The following RAB38 variants were observed in gnomAD, a reference collection of about 807,000 sequenced individuals.
RAB38 encodes the protein ras-related protein Rab-38.
In RAB38, 15 loss-of-function variants were observed where a neutral mutation model predicts 18.4. The observed-to-expected ratio is 0.82, with a 90% CI of 0.55 to 1.26. RAB38 has a LOEUF of 1.26. Among genes scored for constraint, RAB38 ranks in the 50% most tolerant of loss-of-function variants. The pLI is 0.00. For missense variants in RAB38, 294 were observed against 267.4 expected (o/e 1.10, Z -0.69); for synonymous variants, 101 against 104.4 (o/e 0.97, Z 0.20).
the RAB38 span, among the ~76,000 whole-genome samples, chr11:87,978,145 T>C: frequency 3.2e-4 from 21 of 65,406 alleles, 2 homozygotes; most frequent in African/African-American, 1.4e-3. Flanking sequence ...ATATACATTA[T>C]ATATAAATAT....
the RAB38 span, among the ~76,000 whole-genome samples, chr11:88,056,229 A>G: frequency 2.6e-5 from 4 of 152,264 alleles, no homozygotes; most frequent in South Asian, 8.3e-4. Flanking sequence ...GCCAGGCTGG[A>G]TATTACAGAT....
At chr11:87,895,236 CA>C in the RAB38 span, among the ~76,000 whole-genome samples, 8 of 300 alleles carry the variant, frequency 0.027, no homozygotes, top group African/African-American at 0.052. Context: ...TTGCCCATAT[CA>C]TTATGTGAGT....
At chr11:87,939,933 A>G in the RAB38 span, among the ~76,000 whole-genome samples, 3 of 152,038 alleles carry the variant, frequency 2.0e-5, no homozygotes, top group African/African-American at 4.8e-5. Context: ...TCAATAATCT[A>G]TAGTTTCACC....
At chr11:88,125,976 C>A (rs1042914913) in intron 2 of RAB38, among the ~76,000 whole-genome samples, 3 of 152,292 alleles carry the variant, frequency 2.0e-5, no homozygotes, top group Admixed American at 2.0e-4. Context: ...ACAGGGAATC[C>A]TTTCCCCATT....
the RAB38 span, among the ~76,000 whole-genome samples, chr11:87,925,080 T>C: frequency 2.0e-5 from 3 of 152,038 alleles, no homozygotes; most frequent in Admixed American, 6.6e-5. Context: ...CTGTGGCTAG[T>C]AGAAGCTCTT....
chr11:88,104,545 G>C, the RAB38 span, among the ~76,000 whole-genome samples: 3 of 152,062 alleles, frequency 2.0e-5, no homozygotes, highest in Non-Finnish European at 4.4e-5. Flanking sequence ...AGTTGCTAAA[G>C]ATCTCTGAGC....
chr11:87,959,135 C>T, the RAB38 span, among the ~76,000 whole-genome samples: 1 of 152,118 alleles, frequency 6.6e-6, no homozygotes, highest in South Asian at 2.1e-4. Flanking sequence ...GGGCCCATAG[C>T]TGCACAGTAA....
At chr11:88,036,426 ATACAAT>A in the RAB38 span, among the ~76,000 whole-genome samples, 1 of 152,186 alleles carries the variant, frequency 6.6e-6, no homozygotes, top group African/African-American at 2.4e-5. Context: ...AAAAATTCAA[ATACAAT>A]ACCATAGCAT....
the RAB38 span, among the ~76,000 whole-genome samples, chr11:87,946,862 T>A: frequency 4.6e-5 from 7 of 152,200 alleles, no homozygotes; most frequent in African/African-American, 1.7e-4. Context: ...TGTGTGCATG[T>A]GTCTTTATAG....
At chr11:88,060,845 A>C in the RAB38 span, among the ~76,000 whole-genome samples, 35 of 152,212 alleles carry the variant, frequency 2.3e-4, no homozygotes, top group African/African-American at 8.0e-4. Context: ...AGGTTATCTA[A>C]GCTATCTGTT....
chr11:87,935,297 C>A, the RAB38 span, among the ~76,000 whole-genome samples: 2 of 152,022 alleles, frequency 1.3e-5, no homozygotes, highest in African/African-American at 4.8e-5. Context: ...TTCCACACAT[C>A]TTCCCCCTTT....
the RAB38 span, among the ~76,000 whole-genome samples, chr11:88,023,387 T>A: frequency 1.3e-5 from 2 of 150,842 alleles, no homozygotes; most frequent in Non-Finnish European, 3.0e-5. Flanking sequence ...AAAACACTGA[T>A]AAAAATCTAA....
the RAB38 span, among the ~76,000 whole-genome samples, chr11:88,093,265 C>A: frequency 6.6e-6 from 1 of 151,776 alleles, no homozygotes; most frequent in Non-Finnish European, 1.5e-5. Flanking sequence ...TACCTCTGAT[C>A]CAATCTGCAA....
the RAB38 span, among the ~76,000 whole-genome samples, chr11:87,978,153 T>A: frequency 3.0e-5 from 3 of 99,434 alleles, no homozygotes; most frequent in African/African-American, 7.9e-5. Flanking sequence ...TATATATAAA[T>A]ATATAGGTGT....
Position 88,172,576 on chromosome 11 carries a change from A to G in RAB38, c.202+2607T>C, listed in dbSNP as rs35451485. On this transcript the variant is annotated intron_variant, in intron 1 of 2. Transcript: ENST00000243662. ...CTCAAAGCTAGGCCCACTAACCTCC[A>G]CTACCTGCTCTCTCCGGGGACACAC... 5.7e-3 allele frequency among the ~76,000 whole-genome samples: 869 copies of G among 152,310 alleles called. 4 individuals carry two copies. The highest frequency in any genetic ancestry group is 0.02 in the African/African-American group (832 of 41,554).
At chr11:87,873,771 A>G in the RAB38 span, among the ~76,000 whole-genome samples, 1 of 150,992 alleles carries the variant, frequency 6.6e-6, no homozygotes, top group Non-Finnish European at 1.5e-5. Flanking sequence ...CTCAATTTGT[A>G]TTATATTTCT....
At chr11:88,073,597 T>C in the RAB38 span, among the ~76,000 whole-genome samples, 1 of 151,976 alleles carries the variant, frequency 6.6e-6, no homozygotes, top group African/African-American at 2.4e-5. Context: ...CTGGAATAAA[T>C]AATCCTTCAA....
chr11:87,867,870 T>A, the RAB38 span, among the ~76,000 whole-genome samples: 1 of 151,782 alleles, frequency 6.6e-6, no homozygotes, highest in Middle Eastern at 3.4e-3. Flanking sequence ...CTCAACTCAG[T>A]GAGCTAGTAA....
the RAB38 span, among the ~76,000 whole-genome samples, chr11:87,868,608 A>AGAGAGAGAGAGAGAAGGAGAGAGAGAAG: frequency 9.7e-6 from 1 of 102,988 alleles, no homozygotes; most frequent in African/African-American, 4.0e-5. Flanking sequence ...AGAGAGAGAG[A>AGAGAGAGAGAGAGAAGGAGAGAGAGAAG]GAGAGAGAGA....
Sources: allele counts gnomAD v4.1 joint callset (sites outside exome capture counted in the v4.1 genomes callset), GRCh38; gene constraint gnomAD v4.1.1; transcripts MANE v1.5; gene names NCBI Gene and HGNC (gene_info 2026-07-23, HGNC 2026-07-21).